Variants in GPC5 observed in about 807,000 individuals in gnomAD.
The protein encoded by GPC5 is glypican-5.
GPC5 carries 47 observed loss-of-function variants against 53.9 expected under a neutral mutation model. The ratio of observed to expected loss-of-function variants is 0.87; its 90% CI spans 0.69 to 1.11. The LOEUF (loss-of-function observed/expected upper bound fraction) is 1.11. Ranked by LOEUF, GPC5 falls within the 50% of genes most tolerant of loss-of-function variation. GPC5 has a pLI of 0.00. For synonymous variants in GPC5, 286 were observed against 263.3 expected, an observed-to-expected ratio of 1.09 and a Z score of -0.84; for missense variants, 748 against 713.1, an observed-to-expected ratio of 1.05 and a Z score of -0.56.
chr13:91,489,537 A>C (rs931068518), intron 2 of GPC5, among the ~76,000 whole-genome samples: 2 of 152,184 alleles, frequency 1.3e-5, no homozygotes, highest in Non-Finnish European at 2.9e-5. Flanking sequence ...GGTCCAACAA[A>C]ATTCTTTTTA....
intron 7 of GPC5, among the ~76,000 whole-genome samples, chr13:92,437,643 A>G (rs1877365249): frequency 6.6e-6 from 1 of 152,122 alleles, no homozygotes; most frequent in Non-Finnish European, 1.5e-5. Context: ...TTCCATAATA[A>G]TTACCACAAA....
intron 2 of GPC5, among the ~76,000 whole-genome samples, chr13:91,462,917 T>A (rs1882023942): frequency 6.6e-6 from 1 of 152,136 alleles, no homozygotes; most frequent in African/African-American, 2.4e-5. Flanking sequence ...ATTTAGTATA[T>A]TTTAATGAAA....
chr13:92,345,885 T>G (rs964676740), intron 7 of GPC5, among the ~76,000 whole-genome samples: 1 of 152,172 alleles, frequency 6.6e-6, no homozygotes. Flanking sequence ...AGCCTACAGA[T>G]CTCGCTGGTA....
At chr13:92,359,648 G>A (rs34295822) in intron 7 of GPC5, among the ~76,000 whole-genome samples, 1,539 of 151,820 alleles carry the variant, frequency 0.01, 31 homozygotes, top group Middle Eastern at 0.048. Flanking sequence ...CATGGCTGGG[G>A]AGGCACTGGG....
At position 92,750,217 on chromosome 13, in the gene GPC5, C is replaced by G. The variant is rs552752378; in HGVS notation, c.1562-116065C>G. 3.3e-5 allele frequency among the ~76,000 whole-genome samples: 5 copies of G among 152,074 alleles called. No homozygotes were observed. The South Asian group carries it at 6.2e-4, about 19-fold the overall frequency. The stretch of plus-strand genomic sequence containing the variant: ...CCTATTAATGCTAATTCCCAAGACT[C>G]TAGAAAAAAAAGTTTTCTCGCAATC... On this transcript the variant is annotated intron_variant, in intron 7 of 7. Coordinates refer to ENST00000377067, the MANE Select transcript of GPC5 (RefSeq NM_004466.6).
chr13:92,789,799 G>A (rs759759541), intron 7 of GPC5, among the ~76,000 whole-genome samples: 38 of 152,024 alleles, frequency 2.5e-4, no homozygotes, highest in Non-Finnish European at 5.0e-4. Flanking sequence ...AATTTATTAG[G>A]GAATATTGAC....
At chr13:92,561,409 A>C (rs372304422) in intron 7 of GPC5, among the ~76,000 whole-genome samples, 1 of 152,072 alleles carries the variant, frequency 6.6e-6, no homozygotes, top group African/African-American at 2.4e-5. Flanking sequence ...GAACTTGAAC[A>C]AGTCACTTAA....
chr13:91,598,848 A>C (rs1335887497), intron 2 of GPC5, among the ~76,000 whole-genome samples: 1 of 152,030 alleles, frequency 6.6e-6, no homozygotes, highest in Non-Finnish European at 1.5e-5. Context: ...AAAATTAACT[A>C]ACTGGAAAGC....
At chr13:92,432,163 C>T (rs939708060) in intron 7 of GPC5, among the ~76,000 whole-genome samples, 6 of 152,104 alleles carry the variant, frequency 3.9e-5, no homozygotes, top group Non-Finnish European at 8.8e-5. Flanking sequence ...GAGGACACAG[C>T]AAGAAGGTGG....
intron 7 of GPC5, among the ~76,000 whole-genome samples, chr13:92,815,212 A>C (rs2138803379): frequency 6.6e-6 from 1 of 152,136 alleles, no homozygotes; most frequent in Admixed American, 6.5e-5. Flanking sequence ...CAATAGCGCA[A>C]GGAGGTAAAG....
intron 7 of GPC5, among the ~76,000 whole-genome samples, chr13:92,804,946 C>G (rs1342407307): frequency 2.6e-5 from 4 of 152,020 alleles, no homozygotes; most frequent in Non-Finnish European, 5.9e-5. Flanking sequence ...TATGAAGCAG[C>G]TCCTCATCCG....
At chr13:91,930,406 A>G (rs2039810387) in intron 6 of GPC5, among the ~76,000 whole-genome samples, 2 of 152,046 alleles carry the variant, frequency 1.3e-5, no homozygotes, top group Admixed American at 1.3e-4. Flanking sequence ...TATTTCAGCT[A>G]TATTTTCATT....
At chr13:91,603,953 T>C (rs906891889) in intron 2 of GPC5, among the ~76,000 whole-genome samples, 9 of 151,996 alleles carry the variant, frequency 5.9e-5, no homozygotes, top group African/African-American at 2.2e-4. Context: ...TTACTAGTTT[T>C]TTTTTTTATT....
At position 91,689,184 on chromosome 13, in the gene GPC5, AATATATATATATATATATATAT is replaced by A. The variant is rs1169911890; in HGVS notation, c.326-3977_326-3956del. 2.8e-3 allele frequency among the ~76,000 whole-genome samples: 137 copies of A among 49,594 alleles called. 2 individuals carry two copies. The highest frequency in any genetic ancestry group is 0.013 in the Middle Eastern group (1 of 76). The allele number at this position is 49,594 out of a possible 152,430, so 32.5% of individuals were successfully genotyped here. A position where few individuals can be genotyped will look rare whatever the true frequency, so the allele number is the denominator to read the frequency against. ...ATGTTGTCTCAAAAAATCATATATA[AATATATATATATATATATATAT>A]ATATATATATATATATATATATATA... is the stretch of plus-strand genomic sequence containing the variant. On this transcript the variant is annotated intron_variant, in intron 2 of 7. Coordinates refer to ENST00000377067, the MANE Select transcript of GPC5 (RefSeq NM_004466.6).
chr13:91,473,544 T>G (rs1007708697), intron 2 of GPC5, among the ~76,000 whole-genome samples: 2 of 152,272 alleles, frequency 1.3e-5, no homozygotes, highest in Admixed American at 1.3e-4. Context: ...GCTGTAAAAT[T>G]GTTGTACCAA....
At chr13:91,869,752 G>C (rs1160856470) in intron 5 of GPC5, among the ~76,000 whole-genome samples, 6 of 152,142 alleles carry the variant, frequency 3.9e-5, no homozygotes, top group Non-Finnish European at 7.4e-5. Flanking sequence ...CTGTACAGGA[G>C]GGATGGCTGG....
intron 5 of GPC5, among the ~76,000 whole-genome samples, chr13:91,764,902 T>G (rs2037492282): frequency 6.6e-6 from 1 of 152,346 alleles, no homozygotes; most frequent in Non-Finnish European, 1.5e-5. Flanking sequence ...TGGCAGGTAT[T>G]AACAGCTGAT....
intron 2 of GPC5, among the ~76,000 whole-genome samples, chr13:91,497,462 T>C (rs568000893): frequency 1.2e-4 from 19 of 152,320 alleles, no homozygotes; most frequent in Non-Finnish European, 2.4e-4. Flanking sequence ...GATGACAATT[T>C]TTTAGTTGTT....
At chr13:91,547,119 T>C (rs190065594) in intron 2 of GPC5, among the ~76,000 whole-genome samples, 67 of 152,138 alleles carry the variant, frequency 4.4e-4, no homozygotes, top group Non-Finnish European at 1.0e-4. Flanking sequence ...GGAGGAGTAA[T>C]TACATTTGGA....
Sources: gnomAD v4.1 joint callset for allele counts (sites outside exome capture counted in the v4.1 genomes callset) on GRCh38, gnomAD v4.1.1 for gene constraint, MANE v1.5 for transcripts, NCBI Gene and HGNC (gene_info 2026-07-23, HGNC 2026-07-21) for gene names.